TASP1: variants seen among roughly 807,000 people sequenced by gnomAD.
TASP1 encodes the protein threonine aspartase 1.
TASP1 carries 16 observed loss-of-function variants against 56.6 expected under a neutral mutation model. The ratio of observed to expected loss-of-function variants is 0.28; its 90% CI spans 0.19 to 0.43. TASP1 has a LOEUF of 0.43. Ranked by LOEUF, TASP1 falls within the 20% of genes least tolerant of loss-of-function variation. TASP1 has a pLI of 1.00. For synonymous variants in TASP1, 179 were observed against 184.2 expected (o/e 0.97, Z 0.23); for missense variants, 393 against 511.6 (o/e 0.77, Z 2.24).
intron 10 of TASP1, among the ~76,000 whole-genome samples, chr20:13,513,042 T>G (rs2044395353): frequency 6.6e-6 from 1 of 152,198 alleles, no homozygotes; most frequent in Non-Finnish European, 1.5e-5. Flanking sequence ...GCGAGATGCC[T>G]CCAGCTTTGT....
At position 13,483,350 on chromosome 20, in the gene TASP1, AG is replaced by A; in HGVS notation, c.875-14del. The A allele has an allele frequency of 6.5e-7, 1 of 1,537,372 alleles. No individual in the cohort carries two copies. On this transcript the variant is annotated splice_polypyrimidine_tract_variant and intron_variant, in intron 10 of 13. Coordinates refer to ENST00000337743, the MANE Select transcript of TASP1 (RefSeq NM_017714.3). ...TGCTCTCCACATCCTAGAAATCCAAAGAAACCAACAGTTGAGGAAAAGCAGC... is the reference window on the plus strand; with the variant it reads ...TGCTCTCCACATCCTAGAAATCCAAAAAACCAACAGTTGAGGAAAAGCAGC...
the TASP1 span, among the ~76,000 whole-genome samples, chr20:13,112,718 G>T: frequency 2.4e-4 from 36 of 152,226 alleles, no homozygotes; most frequent in Non-Finnish European, 4.4e-4. Context: ...GACCTAAAAG[G>T]CCACATTCAC....
the TASP1 span, chr20:13,154,027 C>G: frequency 1.9e-6 from 3 of 1,613,988 alleles, no homozygotes; most frequent in South Asian, 2.2e-5. Flanking sequence ...CAGCAACTTG[C>G]GAAAAACACA....
chr20:13,598,971 C>T (rs547972810), intron 4 of TASP1, among the ~76,000 whole-genome samples: 66 of 152,284 alleles, frequency 4.3e-4, no homozygotes, highest in African/African-American at 1.5e-3. Context: ...ATCAAAACCA[C>T]AATGAGATAC....
chr20:13,526,945 T>C (rs902585325), intron 10 of TASP1, among the ~76,000 whole-genome samples: 9 of 152,036 alleles, frequency 5.9e-5, no homozygotes, highest in Non-Finnish European at 2.9e-5. Flanking sequence ...CATAGGAACA[T>C]GCCCACCAGG....
chr20:13,140,546 T>C, the TASP1 span, among the ~76,000 whole-genome samples: 1 of 152,164 alleles, frequency 6.6e-6, no homozygotes, highest in African/African-American at 2.4e-5. Flanking sequence ...TCACTTGCAT[T>C]TTATCTACTT....
At chr20:13,590,773 G>A (rs899843576) in intron 4 of TASP1, among the ~76,000 whole-genome samples, 1 of 152,038 alleles carries the variant, frequency 6.6e-6, no homozygotes, top group Non-Finnish European at 1.5e-5. Context: ...AGCTGAGGCA[G>A]GAGAATCACT....
At chr20:13,269,862 T>C in the TASP1 span, among the ~76,000 whole-genome samples, 1 of 152,224 alleles carries the variant, frequency 6.6e-6, no homozygotes. Flanking sequence ...ATGTCTATCC[T>C]GTTTATTGCT....
chr20:13,618,467 T>C (rs1182175254), intron 4 of TASP1, among the ~76,000 whole-genome samples: 2 of 152,112 alleles, frequency 1.3e-5, no homozygotes, highest in Non-Finnish European at 2.9e-5. Flanking sequence ...GTATTATACA[T>C]AATAATATAA....
At chr20:13,463,961 C>T (rs1600875123) in intron 11 of TASP1, among the ~76,000 whole-genome samples, 1 of 152,102 alleles carries the variant, frequency 6.6e-6, no homozygotes, top group Admixed American at 6.6e-5. Flanking sequence ...AAAACCAAAA[C>T]CAGAATTACC....
At chr20:13,482,004 C>G (rs1255322870) in intron 11 of TASP1, among the ~76,000 whole-genome samples, 1 of 152,112 alleles carries the variant, frequency 6.6e-6, no homozygotes, top group African/African-American at 2.4e-5. Context: ...AGACCAATGT[C>G]CTAGAGATTT....
the TASP1 span, among the ~76,000 whole-genome samples, chr20:13,106,255 T>C: frequency 1.3e-5 from 2 of 152,164 alleles, no homozygotes; most frequent in Non-Finnish European, 2.9e-5. Flanking sequence ...GAAAAGAACA[T>C]TGATGCAATT....
chr20:13,150,263 A>G, the TASP1 span, among the ~76,000 whole-genome samples: 2 of 152,312 alleles, frequency 1.3e-5, no homozygotes, highest in African/African-American at 4.8e-5. Context: ...CTAGTTCTGC[A>G]CTTCCAATAG....
chr20:13,272,372 T>C, the TASP1 span, among the ~76,000 whole-genome samples: 1 of 152,162 alleles, frequency 6.6e-6, no homozygotes, highest in Non-Finnish European at 1.5e-5. Context: ...CCGCTGTATA[T>C]AAAATGCTGC....
the TASP1 span, among the ~76,000 whole-genome samples, chr20:13,328,695 T>C: frequency 2.0e-5 from 3 of 151,150 alleles, no homozygotes; most frequent in Non-Finnish European, 4.4e-5. Flanking sequence ...CTCAGCAAAC[T>C]AACACAGGAA....
At chr20:13,306,397 T>C in the TASP1 span, among the ~76,000 whole-genome samples, 1 of 152,036 alleles carries the variant, frequency 6.6e-6, no homozygotes, top group Non-Finnish European at 1.5e-5. Context: ...TTAGCAAATT[T>C]TAACAAGCAC....
intron 8 of TASP1, among the ~76,000 whole-genome samples, chr20:13,550,187 G>C (rs6033757): frequency 0.29 from 34,546 of 119,148 alleles, 4,107 homozygotes; most frequent in Middle Eastern, 0.38. Context: ...CACACACACA[G>C]AGACACTGCA....
the TASP1 span, among the ~76,000 whole-genome samples, chr20:13,339,828 C>A: frequency 6.6e-6 from 1 of 151,960 alleles, no homozygotes; most frequent in Non-Finnish European, 1.5e-5. Context: ...ACCAAGTAGT[C>A]CCAGCTCACG....
chr20:13,638,847 G>A (rs1311522584), intron 1 of TASP1, 47 bp downstream of exon 1: 2 of 152,828 alleles, frequency 1.3e-5, no homozygotes, highest in Non-Finnish European at 2.9e-5. Context: ...AGGCAGCAGC[G>A]CGGAGGCGGC....
Sources: gnomAD v4.1 joint callset for allele counts (sites outside exome capture counted in the v4.1 genomes callset) on GRCh38, gnomAD v4.1.1 for gene constraint, MANE v1.5 for transcripts, NCBI Gene and HGNC (gene_info 2026-07-23, HGNC 2026-07-21) for gene names.